Variants in CREBZF observed in about 807,000 individuals in gnomAD.
The protein encoded by CREBZF is CREB/ATF bZIP transcription factor.
Under a neutral mutation model 21.1 loss-of-function variants are expected in CREBZF, and 8 were observed. That is an observed-to-expected ratio of 0.38 (90% CI 0.22 to 0.68). The LOEUF is 0.68. Ranked by LOEUF, CREBZF falls within the 30% of genes least tolerant of loss-of-function variation. CREBZF has a pLI of 0.51. For missense variants in CREBZF, 518 were observed against 484.3 expected (o/e 1.07, Z -0.65); for synonymous variants, 270 against 223.3 (o/e 1.21, Z -1.86).
At chr11:85,667,966 TAA>T (rs10632068), upstream of CREBZF, among the ~76,000 whole-genome samples, 1 of 146,750 alleles carries the variant, frequency 6.8e-6, no homozygotes, top group Non-Finnish European at 1.5e-5. Flanking sequence ...TAAGACTATG[TAA>T]AAAAAAAAAA....
At position 85,665,094 on chromosome 11, in the gene CREBZF, G is replaced by C. The variant is rs959667508; in HGVS notation, c.-219C>G. The C allele has an allele frequency of 2.1e-5, 9 of 421,604 alleles. No individual in the cohort carries two copies. The highest frequency in any genetic ancestry group is 4.1e-5 in the African/African-American group (2 of 48,640). 26.1% of individuals were successfully genotyped at this position (421,604 alleles called of 1,614,324 possible). ...AAGCGGTGAGGCCCTGCGATGACTCGACCGCGCCACCCAGACAACGGCGTA... is the reference window on the plus strand; with the variant it reads ...AAGCGGTGAGGCCCTGCGATGACTCCACCGCGCCACCCAGACAACGGCGTA... On this transcript the variant is annotated 5_prime_UTR_variant, in exon 1 of 1. Coordinates refer to ENST00000527447, the MANE Select transcript of CREBZF (RefSeq NM_001039618.4).
rs1318338957 is a variant in CREBZF at position 85,660,308 on chromosome 11, C to CT, written c.*3502dup. 1 of 189,934 alleles carries CT rather than the reference C, an allele frequency of 5.3e-6. No individual in the cohort carries two copies. The highest frequency in any genetic ancestry group is 2.4e-5 in the African/African-American group (1 of 41,766). 11.8% of individuals were successfully genotyped at this position (189,934 alleles called of 1,614,324 possible). On this transcript the variant is annotated 3_prime_UTR_variant, in exon 1 of 1. Transcript: ENST00000527447. Reference sequence around the variant, plus strand: ...ACAATTTTGTAAAGATATGCAATAACTGAGTATCACTCCCATGAAAGACAA... The same window carrying CT: ...ACAATTTTGTAAAGATATGCAATAACTTGAGTATCACTCCCATGAAAGACAA...
exon 1 of CREBZF, chr11:85,682,800 C>G (rs2082986013): frequency 2.9e-6 from 2 of 701,686 alleles, no homozygotes; most frequent in Non-Finnish European, 5.2e-6. Context: ...AAAACTTAGG[C>G]CCCAAGGATT....
intron 1 of CREBZF, among the ~76,000 whole-genome samples, chr11:85,674,764 T>G (rs1210434099): frequency 6.6e-6 from 1 of 152,268 alleles, no homozygotes; most frequent in Non-Finnish European, 1.5e-5. Context: ...TCTGGAAAAC[T>G]TGTTGCTGCT....
In CREBZF at chr11:85,662,373, T is replaced by C; in HGVS notation, c.*1438A>G. The C allele has an allele frequency of 1.4e-6, 1 of 716,062 alleles. No individual in the cohort carries two copies. The highest frequency in any genetic ancestry group is 2.7e-5 in the East Asian group (1 of 37,270). 44.4% of individuals were successfully genotyped at this position (716,062 alleles called of 1,614,324 possible). A position where few individuals can be genotyped will look rare whatever the true frequency, so the allele number is the denominator to read the frequency against. On this transcript the variant is annotated 3_prime_UTR_variant, in exon 1 of 1. Coordinates refer to ENST00000527447, the MANE Select transcript of CREBZF (RefSeq NM_001039618.4). ...AAGCCCTGATATTACCTCTTTTTCC[T>C]CATTTCTTATACTACCTTTTAAAAT...
intron 1 of CREBZF, among the ~76,000 whole-genome samples, chr11:85,680,205 T>C (rs989860435): frequency 6.6e-6 from 1 of 152,246 alleles, no homozygotes; most frequent in African/African-American, 2.4e-5. Flanking sequence ...TGTGTTTTTT[T>C]CTGCATATAT....
Position 85,663,776 on chromosome 11 carries a change from G to A in CREBZF, c.*35C>T. On this transcript the variant is annotated 3_prime_UTR_variant, in exon 1 of 1. Transcript: ENST00000527447. ...TTGACATGGTGTAAGGGAGTTGAAA[G>A]GGGTAAACGCGGATAAAGAGCAGAT... 1 of 1,580,576 alleles carries A rather than the reference G, an allele frequency of 6.3e-7. No homozygotes were observed. Among genetic ancestry groups the A allele is most frequent in the South Asian group, 1.2e-5 (1 of 85,868 alleles).
chr11:85,677,215 T>C (rs939875673), intron 1 of CREBZF, among the ~76,000 whole-genome samples: 29 of 152,178 alleles, frequency 1.9e-4, no homozygotes, highest in African/African-American at 6.8e-4. Flanking sequence ...TCCACGCACC[T>C]TGGCCTCTCA....
intron 1 of CREBZF, chr11:85,682,610 C>CCCCCCCCCCCCT: frequency 2.9e-6 from 1 of 350,364 alleles, no homozygotes; most frequent in Non-Finnish European, 4.9e-6. Context: ...CCCTACTCCC[C>CCCCCCCCCCCCT]CCAACGCGAT....
At chr11:85,675,284 T>C (rs2082935123) in intron 1 of CREBZF, among the ~76,000 whole-genome samples, 2 of 152,228 alleles carry the variant, frequency 1.3e-5, no homozygotes, top group South Asian at 4.1e-4. Context: ...GTTTAATCAT[T>C]TCTAGCTTTT....
At position 85,658,387 on chromosome 11, in the gene CREBZF, C is replaced by G. The variant is rs538492850; in HGVS notation, c.*5424G>C. Among the ~76,000 whole-genome samples the G allele has an allele frequency of 6.6e-6, 1 of 152,168 alleles. No individual in the cohort carries two copies. The highest frequency in any genetic ancestry group is 2.1e-4 in the South Asian group (1 of 4,830). On this transcript the variant is annotated 3_prime_UTR_variant, in exon 1 of 1. Coordinates refer to ENST00000527447, the MANE Select transcript of CREBZF (RefSeq NM_001039618.4). Reference sequence around the variant, plus strand: ...AAAAAGTATTTCTAATATCTGTCCTCTGCCACATATTTTTAAATTATCTTT... The same window carrying G: ...AAAAAGTATTTCTAATATCTGTCCTGTGCCACATATTTTTAAATTATCTTT...
At position 85,664,801 on chromosome 11, in the gene CREBZF, C is replaced by A; in HGVS notation, c.75G>T (p.Pro25=). ...NSPTRSESPE[P]AATCSLPSDL... Reference sequence around the variant, plus strand: ...CAGAGGGCAGCGAACAAGTTGCAGCCGGCTCCGGGCTCTCACTGCGGGTTG... The same window carrying A: ...CAGAGGGCAGCGAACAAGTTGCAGCAGGCTCCGGGCTCTCACTGCGGGTTG... Residue 25 remains proline (P), a synonymous_variant, in exon 1 of 1, where the codon CCG becomes CCT. Transcript: ENST00000527447. The surrounding 1 kb of genome is among the most constrained non-coding windows in gnomAD (Gnocchi z 5.5). 6.4e-7 allele frequency: 1 copy of A among 1,574,222 alleles called. No homozygotes were observed. Among genetic ancestry groups the A allele is most frequent in the Non-Finnish European group, 8.6e-7 (1 of 1,163,816 alleles).
intron 1 of CREBZF, among the ~76,000 whole-genome samples, chr11:85,679,930 T>C (rs1224439290): frequency 2.0e-5 from 3 of 152,262 alleles, no homozygotes; most frequent in Non-Finnish European, 4.4e-5. Context: ...TCTTTTATTT[T>C]TGTTTTCAAT....
In CREBZF at chr11:85,660,052, T is replaced by C. The variant is rs1469845261; in HGVS notation, c.*3759A>G. 6.6e-6 allele frequency: 1 copy of C among 152,214 alleles called. No homozygotes were observed. Among genetic ancestry groups the C allele is most frequent in the African/African-American group, 2.4e-5 (1 of 41,448 alleles). 9.4% of individuals were successfully genotyped at this position (152,214 alleles called of 1,614,324 possible). A position where few individuals can be genotyped will look rare whatever the true frequency, so the allele number is the denominator to read the frequency against. On this transcript the variant is annotated 3_prime_UTR_variant, in exon 1 of 1. Coordinates refer to ENST00000527447, the MANE Select transcript of CREBZF (RefSeq NM_001039618.4). ...ATGCATCTATTTAAAAGGACTACTC[T>C]TTATAGTTCAGAACTTTACATTAAC...
At chr11:85,678,554 C>T (rs571429662) in intron 1 of CREBZF, among the ~76,000 whole-genome samples, 7 of 151,988 alleles carry the variant, frequency 4.6e-5, no homozygotes, top group Non-Finnish European at 8.8e-5. Context: ...TCATATAATG[C>T]CAATATTACA....
At chr11:85,670,141 G>A (rs559096599) in intron 1 of CREBZF, among the ~76,000 whole-genome samples, 1 of 151,996 alleles carries the variant, frequency 6.6e-6, no homozygotes, top group Non-Finnish European at 1.5e-5. Flanking sequence ...GCATTTCATT[G>A]GAACTTGAAG....
chr11:85,664,923 C>T lies in CREBZF; in HGVS notation c.-48G>A. Reference sequence around the variant, plus strand: ...TAGGCCCCGGCCGCTAAGAGTGGGCCTCACGGGCCCCAAGGATCCCAGGCC... The same window carrying T: ...TAGGCCCCGGCCGCTAAGAGTGGGCTTCACGGGCCCCAAGGATCCCAGGCC... On this transcript the variant is annotated 5_prime_UTR_variant, in exon 1 of 1. Coordinates refer to ENST00000527447, the MANE Select transcript of CREBZF (RefSeq NM_001039618.4). The surrounding 1 kb of genome is among the most constrained non-coding windows in gnomAD (Gnocchi z 5.5). 6 of 1,334,724 alleles carry T rather than the reference C, an allele frequency of 4.5e-6. No homozygotes were observed. The highest frequency in any genetic ancestry group is 5.9e-6 in the Non-Finnish European group (6 of 1,021,742). 82.7% of individuals were successfully genotyped at this position (1,334,724 alleles called of 1,614,324 possible).
rs1006079229 is a variant in CREBZF, at chr11:85,659,906, T to C, written c.*3905A>G. 1 of 152,040 alleles carries C rather than the reference T, an allele frequency of 6.6e-6. No individual in the cohort carries two copies. 9.4% of individuals were successfully genotyped at this position (152,040 alleles called of 1,614,324 possible). ...ATATTCAGAAAACAGTATCAAGTACTCAAGAGAAAGCTCAAGAAGCCAAAA... is the reference window on the plus strand; with the variant it reads ...ATATTCAGAAAACAGTATCAAGTACCCAAGAGAAAGCTCAAGAAGCCAAAA... On this transcript the variant is annotated 3_prime_UTR_variant, in exon 1 of 1. Transcript: ENST00000527447.
exon 1 of CREBZF, chr11:85,682,772 TC>T: frequency 1.4e-6 from 1 of 700,840 alleles, no homozygotes; most frequent in Non-Finnish European, 2.6e-6. Flanking sequence ...ATGGGACTTC[TC>T]CCCGCAGGCT....
Sources: allele counts gnomAD v4.1 joint callset (sites outside exome capture counted in the v4.1 genomes callset), GRCh38; gene constraint gnomAD v4.1.1; non-coding constraint Gnocchi (gnomAD v3.1); transcripts MANE v1.5; gene names NCBI Gene and HGNC (gene_info 2026-07-23, HGNC 2026-07-21).